The following ERBB4 variants were observed in gnomAD, a reference collection of about 807,000 sequenced individuals.
The protein encoded by ERBB4 is erb-b2 receptor tyrosine kinase 4, also known as receptor tyrosine-protein kinase erbB-4.
In ERBB4, 42 loss-of-function variants were observed where a neutral mutation model predicts 158.0. The ratio of observed to expected loss-of-function variants is 0.27; its 90% CI spans 0.21 to 0.34. The LOEUF is 0.34. Ranked by LOEUF, ERBB4 falls within the 10% of genes least tolerant of loss-of-function variation. The pLI, the probability that ERBB4 is intolerant of heterozygous loss-of-function variation, is 1.00. For missense variants in ERBB4, 1,333 were observed against 1,624.1 expected (o/e 0.82, Z 3.08); for synonymous variants, 583 against 558.7 (o/e 1.04, Z -0.61).
intron 25 of ERBB4, among the ~76,000 whole-genome samples, chr2:211,420,172 T>A (rs2063485023): frequency 6.6e-6 from 1 of 152,012 alleles, no homozygotes; most frequent in African/African-American, 2.4e-5. Context: ...AAGTTAAGAT[T>A]TGTTTTAAAT....
chr2:212,518,433 T>G (rs1317375422), intron 1 of ERBB4, among the ~76,000 whole-genome samples: 1 of 151,988 alleles, frequency 6.6e-6, no homozygotes, highest in Non-Finnish European at 1.5e-5. Flanking sequence ...TTAAAAACCT[T>G]GGGAGATAAC....
At chr2:212,112,157 T>A (rs758466245) in intron 2 of ERBB4, among the ~76,000 whole-genome samples, 2 of 152,130 alleles carry the variant, frequency 1.3e-5, no homozygotes, top group Non-Finnish European at 1.5e-5. Context: ...CCGGAATAGG[T>A]AGGAGCACAG....
At chr2:211,480,982 C>T (rs1339226079) in intron 20 of ERBB4, among the ~76,000 whole-genome samples, 1 of 152,124 alleles carries the variant, frequency 6.6e-6, no homozygotes, top group Non-Finnish European at 1.5e-5. Flanking sequence ...ATTCAATCAG[C>T]TCTATATATC....
intron 19 of ERBB4, among the ~76,000 whole-genome samples, chr2:211,580,796 ATATAT>A (rs1416366923): frequency 4.6e-5 from 3 of 65,862 alleles, no homozygotes; most frequent in South Asian, 7.6e-4. Flanking sequence ...TGATATATAT[ATATAT>A]ATATATATAT....
chr2:211,447,622 A>T (rs564254726), intron 20 of ERBB4, among the ~76,000 whole-genome samples: 1 of 152,318 alleles, frequency 6.6e-6, no homozygotes, highest in Non-Finnish European at 1.5e-5. Context: ...ATTTGGAAAC[A>T]CATGAAATCT....
At chr2:212,494,807 C>T (rs1690469187) in intron 1 of ERBB4, among the ~76,000 whole-genome samples, 1 of 151,968 alleles carries the variant, frequency 6.6e-6, no homozygotes, top group Non-Finnish European at 1.5e-5. Flanking sequence ...AATTAATGGC[C>T]AGCAGATGTT....
At chr2:212,470,795 T>C (rs1478850646) in intron 1 of ERBB4, among the ~76,000 whole-genome samples, 1 of 152,126 alleles carries the variant, frequency 6.6e-6, no homozygotes, top group Non-Finnish European at 1.5e-5. Flanking sequence ...AGATTATGGA[T>C]TATCTCAATG....
chr2:211,884,387 C>T (rs1180003186), intron 3 of ERBB4, among the ~76,000 whole-genome samples: 1 of 152,104 alleles, frequency 6.6e-6, no homozygotes. Context: ...TTCCTGAAAC[C>T]CTGACTATGA....
Position 211,991,212 on chromosome 2 carries a change from A to G in ERBB4, c.235-43596T>C, listed in dbSNP as rs550511520. 1.8e-3 allele frequency among the ~76,000 whole-genome samples: 270 copies of G among 152,178 alleles called. 2 individuals carry two copies. The highest frequency in any genetic ancestry group is 3.0e-3 in the Non-Finnish European group (204 of 67,974). On this transcript the variant is annotated intron_variant, in intron 2 of 27. Coordinates refer to ENST00000342788, the MANE Select transcript of ERBB4 (RefSeq NM_005235.3). ...ACAATGTTCCAGAACTGAAGACACA[A>G]GAGTGAACAAAATATTATAGACAAA...
intron 4 of ERBB4, chr2:211,779,681 T>C (rs538069733): frequency 3.3e-5 from 5 of 152,286 alleles, no homozygotes; most frequent in South Asian, 2.1e-4. Context: ...GTACTAACAA[T>C]TGAACAACCA....
intron 2 of ERBB4, among the ~76,000 whole-genome samples, chr2:211,962,406 C>T (rs2081203380): frequency 6.6e-6 from 1 of 152,046 alleles, no homozygotes; most frequent in South Asian, 2.1e-4. Flanking sequence ...TGTCTAATGT[C>T]AAAGTGTCTT....
At chr2:211,413,220 T>C (rs537961011) in intron 25 of ERBB4, among the ~76,000 whole-genome samples, 2 of 149,852 alleles carry the variant, frequency 1.3e-5, no homozygotes, top group South Asian at 4.2e-4. Context: ...GAAGGATCAC[T>C]TGAGCCCAGG....
intron 1 of ERBB4, among the ~76,000 whole-genome samples, chr2:212,148,956 A>T (rs1237140247): frequency 7.4e-6 from 1 of 134,682 alleles, no homozygotes; most frequent in Non-Finnish European, 1.6e-5. Flanking sequence ...ATAGGTGGGA[A>T]TTGAACAATG....
At chr2:211,824,160 A>T (rs114830530) in intron 3 of ERBB4, among the ~76,000 whole-genome samples, 99 of 152,068 alleles carry the variant, frequency 6.5e-4, no homozygotes, top group African/African-American at 2.2e-3. Context: ...ACTGCTTAAA[A>T]ATATTTCCTA....
chr2:211,791,020 A>T (rs1287525694), intron 3 of ERBB4, among the ~76,000 whole-genome samples: 2 of 151,920 alleles, frequency 1.3e-5, no homozygotes, highest in Non-Finnish European at 2.9e-5. Flanking sequence ...GTAACTTTAC[A>T]TTTTTAAAAT....
intron 19 of ERBB4, among the ~76,000 whole-genome samples, chr2:211,574,496 G>A (rs1043952076): frequency 6.6e-6 from 1 of 152,132 alleles, no homozygotes; most frequent in African/African-American, 2.4e-5. Flanking sequence ...TGTAGTTTTA[G>A]GCATAGGCAG....
At position 212,294,475 on chromosome 2, in the gene ERBB4, A is replaced by T. The variant is rs181270701; in HGVS notation, c.83-169572T>A. Among the ~76,000 whole-genome samples, 429 of 152,134 alleles carry T rather than the reference A, an allele frequency of 2.8e-3. 2 individuals carry two copies. The highest frequency in any genetic ancestry group is 1.0e-2 in the African/African-American group (414 of 41,550). On this transcript the variant is annotated intron_variant, in intron 1 of 27. Transcript: ENST00000342788. Reference sequence around the variant, plus strand: ...ATAATATTTTGTCTTAAATATTAAAATCAGAGTAATTATACTGAAATTATA... The same window carrying T: ...ATAATATTTTGTCTTAAATATTAAATTCAGAGTAATTATACTGAAATTATA...
intron 1 of ERBB4, among the ~76,000 whole-genome samples, chr2:212,455,592 C>G (rs1162477497): frequency 6.6e-6 from 1 of 151,988 alleles, no homozygotes; most frequent in Non-Finnish European, 1.5e-5. Flanking sequence ...GTACTCAGCT[C>G]CTGCTGCTTT....
chr2:211,492,191 T>A (rs977599624), intron 20 of ERBB4, among the ~76,000 whole-genome samples: 18 of 152,138 alleles, frequency 1.2e-4, no homozygotes, highest in African/African-American at 4.3e-4. Flanking sequence ...AAAAGTAGTT[T>A]CAGTGAAAAT....
Sources: allele counts gnomAD v4.1 joint callset (sites outside exome capture counted in the v4.1 genomes callset), GRCh38; gene constraint gnomAD v4.1.1; transcripts MANE v1.5; gene names NCBI Gene and HGNC (gene_info 2026-07-23, HGNC 2026-07-21).